The following CPNE4 variants were observed in gnomAD, a reference collection of about 807,000 sequenced individuals.
The protein encoded by CPNE4 is copine 4.
Under a neutral mutation model 67.9 loss-of-function variants are expected in CPNE4, and 25 were observed. The observed-to-expected ratio is 0.37, with a 90% CI of 0.27 to 0.51. The LOEUF is 0.51. Ranked by LOEUF, CPNE4 falls within the 20% of genes least tolerant of loss-of-function variation. The pLI, the probability that CPNE4 is intolerant of heterozygous loss-of-function variation, is 0.93. For synonymous variants in CPNE4, 242 were observed against 244.9 expected, an observed-to-expected ratio of 0.99 and a Z score of 0.11; for missense variants, 464 against 690.8, an observed-to-expected ratio of 0.67 and a Z score of 3.68.
At chr3:131,951,894 G>A (rs1472476679) in intron 1 of CPNE4, among the ~76,000 whole-genome samples, 2 of 152,124 alleles carry the variant, frequency 1.3e-5, no homozygotes, top group Non-Finnish European at 2.9e-5. Context: ...GAGTGCAGTG[G>A]TGTGATCTCG....
chr3:131,689,086 C>A (rs946218286), intron 5 of CPNE4, among the ~76,000 whole-genome samples: 2 of 152,182 alleles, frequency 1.3e-5, no homozygotes, highest in African/African-American at 4.8e-5. Context: ...CTTCAGGTAG[C>A]TGAAAATCTA....
chr3:131,786,659 T>C (rs991885637), intron 2 of CPNE4, among the ~76,000 whole-genome samples: 2 of 152,134 alleles, frequency 1.3e-5, no homozygotes, highest in African/African-American at 4.8e-5. Context: ...ACATACATAT[T>C]CTTGCCCCAC....
intron 1 of CPNE4, among the ~76,000 whole-genome samples, chr3:131,972,473 C>T (rs1185929451): frequency 6.6e-6 from 1 of 152,156 alleles, no homozygotes; most frequent in African/African-American, 2.4e-5. Context: ...TTATTGGGAA[C>T]ATGGAATTCT....
chr3:131,717,440 CTA>C (rs2081727665), intron 3 of CPNE4, among the ~76,000 whole-genome samples: 3 of 152,142 alleles, frequency 2.0e-5, no homozygotes, highest in Admixed American at 2.0e-4. Context: ...CAGCTATCAC[CTA>C]TAGGGATTAA....
At chr3:131,621,852 C>CA (rs57656411) in intron 7 of CPNE4, among the ~76,000 whole-genome samples, 11,482 of 142,126 alleles carry the variant, frequency 0.081, 1,436 homozygotes, top group African/African-American at 0.27. Context: ...ACAAAAAATA[C>CA]AAAAAAAAAA....
At chr3:131,940,785 CA>C (rs2071362308) in intron 1 of CPNE4, among the ~76,000 whole-genome samples, 1 of 152,094 alleles carries the variant, frequency 6.6e-6, no homozygotes, top group South Asian at 2.1e-4. Flanking sequence ...TGACCAGGAA[CA>C]CACAATTACA....
chr3:132,035,798 T>C (rs2074329381), upstream of CPNE4, among the ~76,000 whole-genome samples: 1 of 152,206 alleles, frequency 6.6e-6, no homozygotes, highest in Non-Finnish European at 1.5e-5. Context: ...ACTCACAAAT[T>C]GGACTTTGGA....
At chr3:131,917,452 A>C (rs2070591555) in intron 1 of CPNE4, among the ~76,000 whole-genome samples, 1 of 152,146 alleles carries the variant, frequency 6.6e-6, no homozygotes, top group Non-Finnish European at 1.5e-5. Flanking sequence ...GCTATCACAG[A>C]CATTTGAGTG....
At chr3:131,942,453 TGTGTGTGTGTGAGAGA>T (rs1470847072) in intron 1 of CPNE4, among the ~76,000 whole-genome samples, 11 of 62,322 alleles carry the variant, frequency 1.8e-4, no homozygotes, top group African/African-American at 5.8e-4. Context: ...TGTGTGTGTG[TGTGTGTGTGTGAGAGA>T]GAGAGAGAGA....
chr3:131,575,227 C>A, intron 9 of CPNE4, 97 bp from the exon 10 acceptor site: 2 of 997,332 alleles, frequency 2.0e-6, no homozygotes, highest in Non-Finnish European at 3.2e-6. Context: ...AGCTGCTAAA[C>A]CAGAGGAAAG....
intron 9 of CPNE4, among the ~76,000 whole-genome samples, chr3:131,578,916 G>A (rs1937622297): frequency 6.6e-6 from 1 of 152,196 alleles, no homozygotes; most frequent in African/African-American, 2.4e-5. Context: ...AGGTAAAGCA[G>A]CAAATGCTGA....
intron 7 of CPNE4, among the ~76,000 whole-genome samples, chr3:131,611,090 T>A (rs1244245867): frequency 2.0e-5 from 3 of 152,300 alleles, no homozygotes; most frequent in South Asian, 4.1e-4. Flanking sequence ...AGTCTTTTTT[T>A]AAAAAACAGA....
rs533140655 is a variant in CPNE4, at chr3:131,766,545, A to T, written c.181-42920T>A. On this transcript the variant is annotated intron_variant, in intron 2 of 15. Transcript: ENST00000429747. ...AATTTGAAGTCACTGAACTCAGAAT[A>T]GGGAAGAGATGGGCACAATTGGCTC... 7.9e-5 allele frequency among the ~76,000 whole-genome samples: 12 copies of T among 152,282 alleles called. No homozygotes were observed. The South Asian group carries it at 2.5e-3, about 32-fold the overall frequency.
chr3:131,754,860 G>A (rs1440387071), intron 2 of CPNE4, among the ~76,000 whole-genome samples: 1 of 152,106 alleles, frequency 6.6e-6, no homozygotes, highest in Non-Finnish European at 1.5e-5. Flanking sequence ...TGAATACCCT[G>A]TTAAATACTA....
chr3:131,820,778 G>A (rs1290573002), intron 2 of CPNE4, among the ~76,000 whole-genome samples: 1 of 152,196 alleles, frequency 6.6e-6, no homozygotes, highest in African/African-American at 2.4e-5. Flanking sequence ...GAGGTAGTGA[G>A]TATTCATCTC....
In CPNE4 at chr3:131,588,312, A is replaced by G. The variant is rs542054492; in HGVS notation, c.682-730T>C. On this transcript the variant is annotated intron_variant, in intron 7 of 15. Transcript: ENST00000429747. ...GAGTGACTAGACTGAATCAGCAGCA[A>G]TCCCTGTGCTTGGTCACACATCTAA... Among the ~76,000 whole-genome samples, 18 of 152,318 alleles carry G rather than the reference A, an allele frequency of 1.2e-4. No homozygotes were observed. The East Asian group carries it at 3.3e-3, about 28-fold the overall frequency.
intron 7 of CPNE4, among the ~76,000 whole-genome samples, chr3:131,633,321 C>A (rs2079283459): frequency 6.6e-6 from 1 of 152,048 alleles, no homozygotes; most frequent in African/African-American, 2.4e-5. Context: ...CTCCTTACCC[C>A]ACCCCCATCC....
At chr3:131,633,455 A>C (rs1259450748) in intron 7 of CPNE4, among the ~76,000 whole-genome samples, 1 of 152,212 alleles carries the variant, frequency 6.6e-6, no homozygotes, top group Non-Finnish European at 1.5e-5. Context: ...AAAGTCAAAG[A>C]AGCATATGAG....
At chr3:131,994,852 A>C (rs1239550345) in intron 1 of CPNE4, among the ~76,000 whole-genome samples, 2 of 152,230 alleles carry the variant, frequency 1.3e-5, no homozygotes, top group Non-Finnish European at 2.9e-5. Flanking sequence ...AGTAACCAAA[A>C]GCATATGCTT....
Sources: allele counts gnomAD v4.1 joint callset (sites outside exome capture counted in the v4.1 genomes callset), GRCh38; gene constraint gnomAD v4.1.1; transcripts MANE v1.5; gene names NCBI Gene and HGNC (gene_info 2026-07-23, HGNC 2026-07-21).